The following CSMD1 variants were observed in gnomAD, a reference collection of about 807,000 sequenced individuals.
CSMD1 encodes the protein CUB and Sushi multiple domains 1.
A neutral mutation model predicts 417.5 loss-of-function variants in CSMD1; 213 were observed. The observed-to-expected ratio is 0.51, with a 90% CI of 0.46 to 0.57. CSMD1 has a LOEUF of 0.57. Among genes scored for constraint, CSMD1 ranks in the 20% least tolerant of loss-of-function variants. CSMD1 has a pLI of 0.00. For synonymous variants in CSMD1, 2,862 were observed against 1,736.8 expected (o/e 1.65, Z -16.11); for missense variants, 6,923 against 4,529.7 (o/e 1.53, Z -15.17).
intron 3 of CSMD1, among the ~76,000 whole-genome samples, chr8:4,198,036 TGAA>T (rs1305589443): frequency 3.2e-4 from 48 of 152,182 alleles, no homozygotes; most frequent in Admixed American, 3.1e-3. Flanking sequence ...ACTGCAGCAA[TGAA>T]GAAGTATTTA....
intron 1 of CSMD1, among the ~76,000 whole-genome samples, chr8:4,920,966 GAAAGAAAGAAAGAA>G (rs1806433859): frequency 1.2e-4 from 1 of 8,418 alleles, no homozygotes; most frequent in Non-Finnish European, 3.1e-4. Context: ...AAGAAAGAAA[GAAAGAAAGAAAGAA>G]ACAAAGAAAG....
intron 2 of CSMD1, among the ~76,000 whole-genome samples, chr8:4,510,437 C>G (rs1802760371): frequency 1.1e-5 from 1 of 93,284 alleles, no homozygotes; most frequent in South Asian, 3.5e-4. Flanking sequence ...ATACTTTGTT[C>G]CAAACATACG....
chr8:4,521,412 T>C (rs1322904596), intron 2 of CSMD1, among the ~76,000 whole-genome samples: 1 of 152,184 alleles, frequency 6.6e-6, no homozygotes, highest in Admixed American at 6.5e-5. Flanking sequence ...TAATAGCCTG[T>C]ATTATTTGTA....
intron 3 of CSMD1, among the ~76,000 whole-genome samples, chr8:4,391,326 C>G (rs1352972646): frequency 6.6e-6 from 1 of 152,204 alleles, no homozygotes; most frequent in African/African-American, 2.4e-5. Flanking sequence ...GTGTTTCCTT[C>G]TCATCCCTTG....
chr8:4,949,829 A>G (rs1808618169), intron 1 of CSMD1, among the ~76,000 whole-genome samples: 1 of 152,226 alleles, frequency 6.6e-6, no homozygotes, highest in African/African-American at 2.4e-5. Context: ...TCTGAAGGAC[A>G]GGATATATAT....
At chr8:3,456,032 C>T (rs377446006) in intron 12 of CSMD1, among the ~76,000 whole-genome samples, 407 of 152,256 alleles carry the variant, frequency 2.7e-3, no homozygotes, top group South Asian at 0.015. Flanking sequence ...CCCCCAGCCT[C>T]GCCGCCGCCT....
intron 49 of CSMD1, among the ~76,000 whole-genome samples, chr8:3,066,650 C>G (rs1359964050): frequency 6.6e-6 from 1 of 152,084 alleles, no homozygotes; most frequent in Admixed American, 6.5e-5. Context: ...GTTTTAAAAA[C>G]ACAGGACACA....
chr8:3,266,784 C>T (rs1013525460), intron 26 of CSMD1, among the ~76,000 whole-genome samples: 3 of 131,564 alleles, frequency 2.3e-5, no homozygotes, highest in South Asian at 4.9e-4. Context: ...TAAAAAAAAT[C>T]AAAAAAAAAA....
intron 3 of CSMD1, among the ~76,000 whole-genome samples, chr8:4,180,142 G>C (rs566198251): frequency 1.3e-5 from 2 of 152,200 alleles, no homozygotes; most frequent in South Asian, 4.1e-4. Context: ...GTTTACTGCG[G>C]CACTATTCAC....
At chr8:4,255,774 A>T (rs1196003773) in intron 3 of CSMD1, among the ~76,000 whole-genome samples, 2 of 152,234 alleles carry the variant, frequency 1.3e-5, no homozygotes, top group African/African-American at 4.8e-5. Flanking sequence ...ATATATGTTT[A>T]AAGAAAACCC....
At chr8:4,727,144 A>G (rs1250798564) in intron 1 of CSMD1, among the ~76,000 whole-genome samples, 2 of 152,192 alleles carry the variant, frequency 1.3e-5, no homozygotes, top group South Asian at 4.1e-4. Context: ...CTGCGGGGAC[A>G]CTTCGCTCTC....
intron 12 of CSMD1, among the ~76,000 whole-genome samples, chr8:3,447,929 C>T (rs1463307527): frequency 6.6e-6 from 1 of 152,124 alleles, no homozygotes; most frequent in Non-Finnish European, 1.5e-5. Context: ...GCTATTTTCT[C>T]TGTCATTTAC....
chr8:4,082,742 C>A (rs1209230844), intron 3 of CSMD1, among the ~76,000 whole-genome samples: 1 of 149,204 alleles, frequency 6.7e-6, no homozygotes, highest in Non-Finnish European at 1.5e-5. Context: ...TTAGGTATAT[C>A]TCCTGATGCT....
At chr8:3,239,753 C>A (rs1386342459) in intron 26 of CSMD1, among the ~76,000 whole-genome samples, 1 of 152,122 alleles carries the variant, frequency 6.6e-6, no homozygotes, top group South Asian at 2.1e-4. Flanking sequence ...GTGGAACTGC[C>A]CTCAATAAAC....
intron 5 of CSMD1, among the ~76,000 whole-genome samples, chr8:3,851,696 G>A (rs964558409): frequency 2.6e-5 from 4 of 152,154 alleles, no homozygotes; most frequent in Middle Eastern, 6.8e-3. Flanking sequence ...GAAGAAAAGA[G>A]AAAAAAGCAG....
At chr8:3,432,935 C>T (rs1814311128) in intron 12 of CSMD1, among the ~76,000 whole-genome samples, 1 of 152,136 alleles carries the variant, frequency 6.6e-6, no homozygotes, top group African/African-American at 2.4e-5. Flanking sequence ...CATTGAAGAA[C>T]ATACCTTATC....
At chr8:4,655,549 T>C (rs1390447924) in intron 1 of CSMD1, among the ~76,000 whole-genome samples, 2 of 152,120 alleles carry the variant, frequency 1.3e-5, no homozygotes, top group African/African-American at 4.8e-5. Flanking sequence ...CACTGACATT[T>C]TAAGAGGAAA....
intron 1 of CSMD1, among the ~76,000 whole-genome samples, chr8:4,889,079 G>C (rs972547910): frequency 6.6e-6 from 1 of 152,070 alleles, no homozygotes; most frequent in Admixed American, 6.5e-5. Context: ...CCCAGTGAAT[G>C]AACGTTTGAT....
Position 3,286,351 on chromosome 8 carries a change from A to G in CSMD1, c.3951-2005T>C, listed in dbSNP as rs374353426. 2.4e-4 allele frequency among the ~76,000 whole-genome samples: 36 copies of G among 152,154 alleles called. No individual in the cohort carries two copies. In the East Asian group the frequency reaches 4.5e-3, roughly 19 times the overall value. On this transcript the variant is annotated intron_variant, in intron 25 of 69. Coordinates refer to ENST00000635120, the MANE Select transcript of CSMD1 (RefSeq NM_033225.6). ...CTTTGGGTATATACCCAGTAATGGG[A>G]TGGCTGGGTCAAATGGTATTTCCAG...
Sources: gnomAD v4.1 joint callset for allele counts (sites outside exome capture counted in the v4.1 genomes callset) on GRCh38, gnomAD v4.1.1 for gene constraint, MANE v1.5 for transcripts, NCBI Gene and HGNC (gene_info 2026-07-23, HGNC 2026-07-21) for gene names.